The following CFAP43 variants were observed in gnomAD, a reference collection of about 807,000 sequenced individuals.
CFAP43 encodes cilia- and flagella-associated protein 43.
A neutral mutation model predicts 218.9 loss-of-function variants in CFAP43; 155 were observed. That is an observed-to-expected ratio of 0.71 (90% CI 0.62 to 0.81). The LOEUF is 0.81. Among genes scored for constraint, CFAP43 ranks in the 30% least tolerant of loss-of-function variants. CFAP43 has a pLI of 0.00. For synonymous variants in CFAP43, 645 were observed against 681.3 expected (o/e 0.95, Z 0.83); for missense variants, 1,778 against 1,954.3 (o/e 0.91, Z 1.70).
Position 104,136,584 on chromosome 10 carries a change from G to A in CFAP43, c.4432-2800C>T, listed in dbSNP as rs528164759. Among the ~76,000 whole-genome samples the A allele has an allele frequency of 8.6e-5, 13 of 151,982 alleles. No homozygotes were observed. In the South Asian group the frequency reaches 2.7e-3, roughly 32 times the overall value. ...CGGGGTTTCACATCTTGGCCAGGCTGGTCTTAAACTCCTGACCTCAGGTGA... is the reference window on the plus strand; with the variant it reads ...CGGGGTTTCACATCTTGGCCAGGCTAGTCTTAAACTCCTGACCTCAGGTGA... On this transcript the variant is annotated intron_variant, in intron 34 of 37. Coordinates refer to ENST00000357060, the MANE Select transcript of CFAP43 (RefSeq NM_025145.7).
At chr10:104,186,324 TA>T (rs1160392804) in intron 14 of CFAP43, among the ~76,000 whole-genome samples, 3 of 152,206 alleles carry the variant, frequency 2.0e-5, no homozygotes, top group Non-Finnish European at 4.4e-5. Context: ...CTTTTGCAAA[TA>T]AAAGTTTGTT....
At chr10:104,147,841 G>T (rs1320290434) in intron 29 of CFAP43, 50 bp downstream of exon 29, 1 of 1,302,536 alleles carries the variant, frequency 7.7e-7, no homozygotes, top group South Asian at 1.4e-5. Context: ...TAAATGAGGG[G>T]CATGTCTATC....
At chr10:104,209,841 G>A (rs1476562803) in intron 5 of CFAP43, among the ~76,000 whole-genome samples, 1 of 152,120 alleles carries the variant, frequency 6.6e-6, no homozygotes, top group African/African-American at 2.4e-5. Flanking sequence ...GCTATAAAAG[G>A]AACTACAGTA....
intron 28 of CFAP43, among the ~76,000 whole-genome samples, chr10:104,148,213 A>G (rs1299961678): frequency 6.6e-6 from 1 of 152,200 alleles, no homozygotes; most frequent in African/African-American, 2.4e-5. Flanking sequence ...TCACATATAC[A>G]AAAAATACAT....
At chr10:104,169,011 G>A (rs1300216772) in intron 20 of CFAP43, among the ~76,000 whole-genome samples, 163 bp from the exon 21 acceptor site, 1 of 152,168 alleles carries the variant, frequency 6.6e-6, no homozygotes, top group African/African-American at 2.4e-5. Context: ...TGCACTTTCG[G>A]GAAACACATC....
intron 3 of CFAP43, chr10:104,218,912 C>G: frequency 2.1e-6 from 1 of 473,916 alleles, no homozygotes; most frequent in South Asian, 1.6e-5. Context: ...GGACGCTGAC[C>G]CCGAGGAGCC....
At position 104,185,151 on chromosome 10, in the gene CFAP43, A is replaced by G; in HGVS notation, c.2011-5T>C. ...CCGACACCAAGCAAATGTTTCCTCA[A>G]TAGTTAAGAAATAAACCAGAAAAAT... is the stretch of plus-strand genomic sequence containing the variant. On this transcript the variant is annotated splice_region_variant and splice_polypyrimidine_tract_variant and intron_variant, in intron 15 of 37. Coordinates refer to ENST00000357060, the MANE Select transcript of CFAP43 (RefSeq NM_025145.7). The G allele has an allele frequency of 1.2e-6, 2 of 1,613,666 alleles. No homozygotes were observed. Among genetic ancestry groups the G allele is most frequent in the South Asian group, 2.2e-5 (2 of 91,022 alleles).
chr10:104,162,314 T>C lies in CFAP43; in HGVS notation c.3333+3A>G, dbSNP rs1378152801. On this transcript the variant is annotated splice_donor_region_variant and intron_variant, in intron 25 of 37. Transcript: ENST00000357060. ...AGGACCTGTGTTAAGCAAAGCTACA[T>C]GCCTGTATCAGAAGCCAGTGCTCCT... The C allele has an allele frequency of 6.2e-7, 1 of 1,613,486 alleles. No homozygotes were observed. Among genetic ancestry groups the C allele is most frequent in the Admixed American group, 1.7e-5 (1 of 60,026 alleles).
intron 29 of CFAP43, 66 bp from the exon 30 acceptor site, chr10:104,146,415 G>C: frequency 8.1e-7 from 1 of 1,227,882 alleles, no homozygotes. Flanking sequence ...AAATATTGGG[G>C]ATACTAAAAA....
At chr10:104,147,174 A>C (rs1018560075) in intron 29 of CFAP43, among the ~76,000 whole-genome samples, 10 of 146,414 alleles carry the variant, frequency 6.8e-5, no homozygotes, top group African/African-American at 2.5e-4. Context: ...TGCTACCCAG[A>C]CTCTCTGAGA....
rs1201477111 is a variant in CFAP43 at position 104,142,315 on chromosome 10, G to A, written c.4237C>T (p.Gln1413Ter). Reference sequence around the variant, plus strand: ...TCATGGAACACTCTCTCAATCTCCTGTTGCACCTTCTCTTCCTCCTCAACT... The same window carrying A: ...TCATGGAACACTCTCTCAATCTCCTATTGCACCTTCTCTTCCTCCTCAACT... ...KRVEEEEKVQ[Q>*]EIERVFHELI... Residue 1413 changes from glutamine (Q) to a stop codon, truncating the protein, a stop_gained, in exon 33 of 38, where the codon CAG becomes TAG. Transcript: ENST00000357060. LOFTEE classifies it high-confidence loss of function. 1 of 1,613,628 alleles carries A rather than the reference G, an allele frequency of 6.2e-7. No homozygotes were observed. Among genetic ancestry groups the A allele is most frequent in the East Asian group, 2.2e-5 (1 of 44,830 alleles).
intron 21 of CFAP43, 82 bp downstream of exon 21, chr10:104,168,662 T>A: frequency 8.2e-7 from 1 of 1,223,542 alleles, no homozygotes. Flanking sequence ...TGCCTGAATT[T>A]TCTTAAATTT....
At chr10:104,169,992 C>T (rs565030502) in intron 20 of CFAP43, among the ~76,000 whole-genome samples, 2 of 151,990 alleles carry the variant, frequency 1.3e-5, no homozygotes, top group Non-Finnish European at 2.9e-5. Context: ...GGATCCTGGC[C>T]GGGGTAGGGT....
intron 3 of CFAP43, 100 bp downstream of exon 3, chr10:104,225,361 T>G (rs923765193): frequency 1.0e-6 from 1 of 952,872 alleles, no homozygotes; most frequent in African/African-American, 1.7e-5. Flanking sequence ...TATATTTCCT[T>G]GTTTCAGATT....
intron 36 of CFAP43, 136 bp from the exon 37 acceptor site, chr10:104,131,620 T>TACTATGCCA: frequency 2.0e-6 from 2 of 1,012,748 alleles, no homozygotes; most frequent in Non-Finnish European, 2.8e-6. Flanking sequence ...CTGTAGTGCC[T>TACTATGCCA]GGCATAGTAG....
chr10:104,214,837 GT>G (rs1248269579), intron 3 of CFAP43, among the ~76,000 whole-genome samples: 1 of 152,134 alleles, frequency 6.6e-6, no homozygotes, highest in Non-Finnish European at 1.5e-5. Context: ...CATTTATTGA[GT>G]TTTTAAAATT....
rs764642078 is a variant in CFAP43, at chr10:104,162,054, C to G, written c.3334-13G>C. The stretch of plus-strand genomic sequence containing the variant: ...TTGTACTGGCATCCTGGGAAAGAGC[C>G]AGAATCAGAGAGGAATACTGAGACA... On this transcript the variant is annotated splice_polypyrimidine_tract_variant and intron_variant, in intron 25 of 37. Transcript: ENST00000357060. 1.2e-6 allele frequency: 2 copies of G among 1,610,832 alleles called. No homozygotes were observed. Among genetic ancestry groups the G allele is most frequent in the Non-Finnish European group, 1.7e-6 (2 of 1,178,956 alleles).
At chr10:104,205,932 A>G (rs746933580) in intron 7 of CFAP43, 31 bp downstream of exon 7, 22 of 1,581,256 alleles carry the variant, frequency 1.4e-5, no homozygotes, top group Non-Finnish European at 1.8e-5. Context: ...TTTTCTTTAA[A>G]CCAATTAATT....
At chr10:104,220,252 C>T (rs962201917) in intron 3 of CFAP43, among the ~76,000 whole-genome samples, 1 of 152,150 alleles carries the variant, frequency 6.6e-6, no homozygotes, top group Non-Finnish European at 1.5e-5. Flanking sequence ...AGGAACCAAC[C>T]CTGCTGAGAC....
Sources: allele counts gnomAD v4.1 joint callset (sites outside exome capture counted in the v4.1 genomes callset), GRCh38; gene constraint gnomAD v4.1.1; transcripts MANE v1.5; gene names NCBI Gene and HGNC (gene_info 2026-07-23, HGNC 2026-07-21).